USP9X: variants seen among roughly 807,000 people sequenced by gnomAD.
USP9X encodes the protein ubiquitin carboxyl-terminal hydrolase 9X.
A neutral mutation model predicts 190.3 loss-of-function variants in USP9X; 7 were observed. The ratio of observed to expected loss-of-function variants is 0.04; its 90% CI spans 0.02 to 0.07. The LOEUF is 0.07. Ranked by LOEUF, USP9X falls within the 10% of genes least tolerant of loss-of-function variation. The pLI is 1.00. For missense variants in USP9X, 1,010 were observed against 1,916.9 expected (o/e 0.53, Z 8.83); for synonymous variants, 645 against 659.5 (o/e 0.98, Z 0.34).
At chrX:41,220,277 C>T (rs1479509259) in intron 38 of USP9X, among the ~76,000 whole-genome samples, 1 of 112,245 alleles carries the variant, frequency 8.9e-6, no homozygotes, top group Admixed American at 9.5e-5. Context: ...CAAATTTAGA[C>T]ATTCAGAAGA....
At chrX:41,109,413 G>A (rs1381490034) in intron 1 of USP9X, among the ~76,000 whole-genome samples, 4 of 112,018 alleles carry the variant, frequency 3.6e-5, no homozygotes, top group Non-Finnish European at 7.5e-5. Flanking sequence ...AATTGTGTAC[G>A]TACAACTTGA....
chrX:41,109,196 GTTTTTTGT>G (rs1448883245), intron 1 of USP9X, among the ~76,000 whole-genome samples: 1 of 111,811 alleles, frequency 8.9e-6, no homozygotes, highest in Non-Finnish European at 1.9e-5. Context: ...GGCTTTTAGT[GTTTTTTGT>G]TTTTTAAAAA....
At chrX:41,180,146 T>G (rs2062813330) in intron 21 of USP9X, among the ~76,000 whole-genome samples, 1 of 112,539 alleles carries the variant, frequency 8.9e-6, no homozygotes, top group African/African-American at 3.2e-5. Context: ...GTTGGGCTTC[T>G]CATCTTGCTT....
chrX:41,184,650 TAGA>T lies in USP9X; in HGVS notation c.3536_3538del (p.Glu1179del). The T allele has an allele frequency of 1.7e-6, 2 of 1,211,569 alleles. No individual in the cohort carries two copies. Among genetic ancestry groups the T allele is most frequent in the Non-Finnish European group, 2.2e-6 (2 of 895,220 alleles). On this transcript the variant is annotated inframe_deletion, in exon 23 of 45. Transcript: ENST00000378308. ...GTGGCAGAAGCTTGTCAGCCAGGTG[TAGA>T]AGGTGTGAATCCCATGACACAGGTA... is the stretch of plus-strand genomic sequence containing the variant.
chrX:41,194,201 A>C (rs2062962180), intron 26 of USP9X, among the ~76,000 whole-genome samples: 1 of 111,568 alleles, frequency 9.0e-6, no homozygotes, highest in South Asian at 3.7e-4. Flanking sequence ...GATACCCTCT[A>C]GGGAGGGAGG....
Position 41,229,769 on chromosome X carries a change from G to A in USP9X, c.7421G>A (p.Cys2474Tyr). 1.7e-6 allele frequency: 2 copies of A among 1,212,073 alleles called. No homozygotes were observed. The highest frequency in any genetic ancestry group is 2.2e-6 in the Non-Finnish European group (2 of 895,568). ...ACACTTGCAAAAGCTTGTGAACTCT[G>A]TCCAGAGGAGGTAAAAAAAGCCACC... ...RMTLAKACEL[C>Y]PEEEPDDQDA... Residue 2474 changes from cysteine to tyrosine, a missense_variant, in exon 43 of 45, where the codon TGT becomes TAT. Physicochemically the swap from Cys to Tyr is radical, Grantham distance 194. Around this residue, in one of 11 missense-constraint regions of USP9X, gnomAD observed 48 missense variants for 60.4 expected, o/e 0.79. Transcript: ENST00000378308.
chrX:41,217,676 G>A (rs1237631774), intron 36 of USP9X, among the ~76,000 whole-genome samples: 1 of 111,274 alleles, frequency 9.0e-6, no homozygotes, highest in Non-Finnish European at 1.9e-5. Context: ...GCTTGAGCTC[G>A]GGAGTTCAGG....
chrX:41,222,713 C>T (rs979908241), intron 38 of USP9X, among the ~76,000 whole-genome samples: 3 of 110,282 alleles, frequency 2.7e-5, no homozygotes, highest in Non-Finnish European at 3.8e-5. Flanking sequence ...GTCAAGATAT[C>T]GAGACCACCC....
At chrX:41,230,130 G>A (rs1196135982) in intron 43 of USP9X, among the ~76,000 whole-genome samples, 1 of 111,637 alleles carries the variant, frequency 9.0e-6, no homozygotes, top group Non-Finnish European at 1.9e-5. Flanking sequence ...GAACCCAGGA[G>A]GCACAGATTG....
In USP9X at chrX:41,214,682, A is replaced by G; in HGVS notation, c.5304A>G (p.Ala1768=). 3.3e-6 allele frequency: 4 copies of G among 1,198,078 alleles called. No homozygotes were observed. The highest frequency in any genetic ancestry group is 2.3e-4 in the Middle Eastern group (1 of 4,327). The change falls in exon 34 of 45, where the codon GCA becomes GCG. Residue 1768 remains alanine (A), a synonymous_variant. Coordinates refer to ENST00000378308, the MANE Select transcript of USP9X (RefSeq NM_001039591.3). ...GAGATTTACTAGAAGGTGCAAATGC[A>G]TATCATTGTGAAAAATGCAATAAAA... The part of the protein sequence containing the change: ...VKGDLLEGAN[A]YHCEKCNKKV...
intron 26 of USP9X, 162 bp from the exon 27 acceptor site, chrX:41,196,089 C>T: frequency 1.8e-6 from 1 of 562,364 alleles, no homozygotes. Flanking sequence ...GTGGTGTTGG[C>T]TTGAGTGCTT....
At chrX:41,088,732 G>GT (rs1276296283) in intron 1 of USP9X, among the ~76,000 whole-genome samples, 1 of 109,865 alleles carries the variant, frequency 9.1e-6, no homozygotes, top group African/African-American at 3.3e-5. Flanking sequence ...TTCCCCTCTT[G>GT]TAGGTATGTT....
At position 41,182,274 on chromosome X, in the gene USP9X, G is replaced by C. The variant is rs1030396529; in HGVS notation, c.3149-1724G>C. Among the ~76,000 whole-genome samples, 4 of 111,254 alleles carry C rather than the reference G, an allele frequency of 3.6e-5. No individual in the cohort carries two copies. In the Admixed American group the frequency reaches 3.8e-4, roughly 11 times the overall value. On this transcript the variant is annotated intron_variant, in intron 21 of 44. Coordinates refer to ENST00000378308, the MANE Select transcript of USP9X (RefSeq NM_001039591.3). ...CCTGTGGTTCCCAACTACTCAGAAG[G>C]CTGAGATGGGAGGATCACCTCAGCC...
Position 41,141,443 on chromosome X carries a change from A to G in USP9X, c.1161+12A>G. On this transcript the variant is annotated intron_variant, in intron 9 of 44. Transcript: ENST00000378308. ...CTGAACGAATGGCAGTGAGTCTTTC[A>G]GTTCTTCTTCATAGGAATAAGAATC... 1.7e-6 allele frequency: 2 copies of G among 1,157,794 alleles called. No individual in the cohort carries two copies. The highest frequency in any genetic ancestry group is 2.3e-6 in the Non-Finnish European group (2 of 872,066).
In USP9X at chrX:41,168,156, G is replaced by A. The variant is rs966386624; in HGVS notation, c.2574G>A (p.Arg858=). ...VRMVRVLTVL[R]EYINECDSDY... is the part of the protein sequence containing the mutation. ...TGGTTCGAGTATTAACTGTTTTAAGGGAATATATAAATGAATGTGACAGTG... is the reference window on the plus strand; with the variant it reads ...TGGTTCGAGTATTAACTGTTTTAAGAGAATATATAAATGAATGTGACAGTG... The change falls in exon 18 of 45, where the codon AGG becomes AGA. Residue 858 remains arginine, a synonymous_variant. Coordinates refer to ENST00000378308, the MANE Select transcript of USP9X (RefSeq NM_001039591.3). 8.3e-7 allele frequency: 1 copy of A among 1,208,914 alleles called. No individual in the cohort carries two copies. The highest frequency in any genetic ancestry group is 1.8e-5 in the African/African-American group (1 of 57,010).
At chrX:41,222,766 A>G (rs925485139) in intron 38 of USP9X, among the ~76,000 whole-genome samples, 3 of 110,886 alleles carry the variant, frequency 2.7e-5, no homozygotes, top group Non-Finnish European at 5.7e-5. Flanking sequence ...AAATACAAAA[A>G]TTAGCTGGGC....
rs780106563 is a variant in USP9X, at chrX:41,089,295, C to T, written c.-159+3186C>T. Among the ~76,000 whole-genome samples, 77 of 112,042 alleles carry T rather than the reference C, an allele frequency of 6.9e-4. 2 individuals carry two copies. The highest frequency in any genetic ancestry group is 1.7e-4 in the Non-Finnish European group (9 of 53,226). ...CTGTCAGGTTCAACCAGTGGTGCTT[C>T]GACTACTGTGCTATGTTAGTGAAAT... On this transcript the variant is annotated intron_variant, in intron 1 of 44. Coordinates refer to ENST00000378308, the MANE Select transcript of USP9X (RefSeq NM_001039591.3).
chrX:41,213,967 C>A (rs934978837), intron 33 of USP9X, among the ~76,000 whole-genome samples: 1 of 111,976 alleles, frequency 8.9e-6, no homozygotes, highest in African/African-American at 3.2e-5. Context: ...TTCCTCACAT[C>A]CCTTGTTTTG....
intron 6 of USP9X, 89 bp from the exon 7 acceptor site, chrX:41,140,567 T>C (rs1406874309): frequency 2.3e-5 from 13 of 574,075 alleles, no homozygotes; most frequent in Non-Finnish European, 3.3e-5. Flanking sequence ...TTGAATTTAC[T>C]ATTTCTAGTA....
Sources: gnomAD v4.1 joint callset for allele counts (sites outside exome capture counted in the v4.1 genomes callset) on GRCh38, gnomAD v4.1.1 for gene constraint, gnomAD v4.1.1 regional missense constraint, MANE v1.5 for transcripts, NCBI Gene and HGNC (gene_info 2026-07-23, HGNC 2026-07-21) for gene names.